The following SOX6 variants were observed in gnomAD, a reference collection of about 807,000 sequenced individuals.
SOX6 encodes the protein SRY-box transcription factor 6, also known as transcription factor SOX-6.
A neutral mutation model predicts 97.8 loss-of-function variants in SOX6; 11 were observed. The ratio of observed to expected loss-of-function variants is 0.11; its 90% CI spans 0.07 to 0.19. SOX6 has a LOEUF of 0.19. Ranked by LOEUF, SOX6 falls within the 10% of genes least tolerant of loss-of-function variation. SOX6 has a pLI of 1.00. For missense variants in SOX6, 810 were observed against 1,039.5 expected, an observed-to-expected ratio of 0.78 and a Z score of 3.04; for synonymous variants, 360 against 371.4, an observed-to-expected ratio of 0.97 and a Z score of 0.35.
intron 6 of SOX6, among the ~76,000 whole-genome samples, chr11:16,116,526 T>G (rs577384685): frequency 1.3e-5 from 2 of 152,222 alleles, no homozygotes; most frequent in Non-Finnish European, 2.9e-5. Flanking sequence ...AATATAATTG[T>G]AGGTTTGCAT....
intron 12 of SOX6, among the ~76,000 whole-genome samples, chr11:16,039,617 AT>A (rs573731785): frequency 4.6e-4 from 70 of 152,234 alleles, no homozygotes; most frequent in African/African-American, 1.7e-3. Context: ...GCAAAAGCAG[AT>A]ACCAGAATCA....
At chr11:16,184,580 T>A (rs955951946) in intron 5 of SOX6, among the ~76,000 whole-genome samples, 2 of 152,172 alleles carry the variant, frequency 1.3e-5, no homozygotes, top group Non-Finnish European at 2.9e-5. Context: ...GTTTATTTCA[T>A]AGTACAGGAT....
At chr11:16,289,756 A>C (rs1252394454) in intron 3 of SOX6, among the ~76,000 whole-genome samples, 2 of 151,984 alleles carry the variant, frequency 1.3e-5, no homozygotes, top group Admixed American at 1.3e-4. Flanking sequence ...CTCTGTAAGG[A>C]ATAAAAGCAG....
intron 4 of SOX6, among the ~76,000 whole-genome samples, chr11:16,572,945 A>G (rs770776604): frequency 2.6e-5 from 4 of 152,164 alleles, no homozygotes; most frequent in Non-Finnish European, 5.9e-5. Context: ...CTTTCTTTAA[A>G]CCACTCTTAT....
chr11:16,154,356 C>T (rs1454007116), intron 6 of SOX6, among the ~76,000 whole-genome samples: 1 of 152,128 alleles, frequency 6.6e-6, no homozygotes, highest in African/African-American at 2.4e-5. Flanking sequence ...AATTAACATG[C>T]TGCGACAAAT....
intron 1 of SOX6, among the ~76,000 whole-genome samples, chr11:16,449,039 G>C (rs1302355869): frequency 6.6e-6 from 1 of 152,018 alleles, no homozygotes; most frequent in Non-Finnish European, 1.5e-5. Context: ...GTCTCTACAT[G>C]ATGATGATAA....
chr11:16,535,544 T>C (rs1281544670), intron 4 of SOX6, among the ~76,000 whole-genome samples: 1 of 151,976 alleles, frequency 6.6e-6, no homozygotes, highest in Non-Finnish European at 1.5e-5. Context: ...CTGTGGCCCA[T>C]GCCTGTAGTC....
At chr11:16,304,865 T>C (rs957816480) in intron 3 of SOX6, among the ~76,000 whole-genome samples, 3 of 152,106 alleles carry the variant, frequency 2.0e-5, no homozygotes, top group Non-Finnish European at 2.9e-5. Context: ...TAAACATCCA[T>C]AGGCCAAAAG....
chr11:16,208,385 G>A (rs1852128855), intron 4 of SOX6, among the ~76,000 whole-genome samples: 1 of 152,138 alleles, frequency 6.6e-6, no homozygotes, highest in Admixed American at 6.5e-5. Flanking sequence ...CTTTTTCACT[G>A]TATTGGTATT....
chr11:16,457,230 A>G (rs1402181381), intron 1 of SOX6, among the ~76,000 whole-genome samples: 1 of 152,140 alleles, frequency 6.6e-6, no homozygotes, highest in Non-Finnish European at 1.5e-5. Context: ...AGTTAAACCT[A>G]GAACATGTGA....
intron 1 of SOX6, chr11:16,738,333 T>C (rs564187817): frequency 4.4e-5 from 8 of 182,674 alleles, no homozygotes; most frequent in East Asian, 2.7e-4. Context: ...GCTACGATGA[T>C]ACATTTGCCA....
At chr11:16,690,330 G>C (rs554161862) in intron 3 of SOX6, among the ~76,000 whole-genome samples, 2 of 152,220 alleles carry the variant, frequency 1.3e-5, no homozygotes, top group South Asian at 4.1e-4. Flanking sequence ...AATCACCAGG[G>C]ATCTTAGCCC....
chr11:16,142,740 A>G (rs574030380), intron 6 of SOX6, among the ~76,000 whole-genome samples: 1 of 152,298 alleles, frequency 6.6e-6, no homozygotes, highest in South Asian at 2.1e-4. Flanking sequence ...CAACGGGAAT[A>G]AAGGGTATCA....
At chr11:16,046,035 T>C (rs941856807) in intron 12 of SOX6, among the ~76,000 whole-genome samples, 2 of 152,148 alleles carry the variant, frequency 1.3e-5, no homozygotes, top group Admixed American at 6.6e-5. Context: ...AATAAATAAT[T>C]TGCTGGATCA....
chr11:15,997,970 C>T (rs1854279057), intron 13 of SOX6, among the ~76,000 whole-genome samples: 1 of 151,938 alleles, frequency 6.6e-6, no homozygotes. Flanking sequence ...ATCCCAGCTA[C>T]TCAGGAGGCT....
intron 9 of SOX6, among the ~76,000 whole-genome samples, chr11:16,060,813 GTGTT>G (rs972352611): frequency 1.3e-5 from 2 of 151,806 alleles, no homozygotes; most frequent in African/African-American, 4.8e-5. Flanking sequence ...TTTTCTTGTG[GTGTT>G]TATCAGTATT....
chr11:16,294,196 C>T (rs1267054933), intron 3 of SOX6, among the ~76,000 whole-genome samples: 1 of 151,906 alleles, frequency 6.6e-6, no homozygotes, highest in Admixed American at 6.6e-5. Context: ...ACTCAATGGA[C>T]CCTTCAAATG....
Position 16,621,536 on chromosome 11 carries a change from T to C in SOX6, n.430-9276A>G, listed in dbSNP as rs543236066. On this transcript the variant is annotated intron_variant and non_coding_transcript_variant, in intron 3 of 5. Transcript: ENST00000524520. ...TTTCCTGAGAGTATAGTGTTGTACA[T>C]AAAGATGAGCTAGAGTATTAGATCG... is the stretch of plus-strand genomic sequence containing the variant. 3.9e-5 allele frequency among the ~76,000 whole-genome samples: 6 copies of C among 152,328 alleles called. No individual in the cohort carries two copies. In the South Asian group the frequency reaches 1.2e-3, roughly 32 times the overall value.
chr11:16,248,967 G>A (rs909202762), intron 3 of SOX6, among the ~76,000 whole-genome samples: 5 of 152,052 alleles, frequency 3.3e-5, no homozygotes, highest in African/African-American at 9.7e-5. Flanking sequence ...TGGGCATGGT[G>A]GCACATGCCT....
Sources: allele counts gnomAD v4.1 joint callset (sites outside exome capture counted in the v4.1 genomes callset), GRCh38; gene constraint gnomAD v4.1.1; transcripts MANE v1.5; gene names NCBI Gene and HGNC (gene_info 2026-07-23, HGNC 2026-07-21).